NEIL2: variants seen among roughly 807,000 people sequenced by gnomAD.
The protein encoded by NEIL2 is endonuclease 8-like 2.
A neutral mutation model predicts 22.2 loss-of-function variants in NEIL2; 23 were observed. The ratio of observed to expected loss-of-function variants is 1.04; its 90% CI spans 0.75 to 1.47. NEIL2 has a LOEUF of 1.47. Ranked by LOEUF, NEIL2 falls within the 40% of genes most tolerant of loss-of-function variation. NEIL2 has a pLI of 0.00. For synonymous variants in NEIL2, 229 were observed against 164.8 expected (o/e 1.39, Z -2.99); for missense variants, 583 against 404.7 (o/e 1.44, Z -3.78).
In NEIL2 at chr8:11,779,635, A is replaced by G. The variant is rs1804216523; in HGVS notation, c.176A>G (p.Asp59Gly). Reference sequence around the variant, plus strand: ...AAATTATTCCTTAGATTTGATCTAGATGAAGAAATGGGGCCCCCTGGCAGC... The same window carrying G: ...AAATTATTCCTTAGATTTGATCTAGGTGAAGAAATGGGGCCCCCTGGCAGC... ...GKKLFLRFDLDEEMGPPGSSP... is the reference protein window; with the variant it reads ...GKKLFLRFDLGEEMGPPGSSP... Residue 59 changes from aspartate to glycine, a missense_variant, in exon 3 of 5, where the codon GAT becomes GGT. By Grantham distance (94) the Asp-to-Gly change is moderately conservative. Coordinates refer to ENST00000284503, the MANE Select transcript of NEIL2 (RefSeq NM_145043.4). 2 of 1,613,540 alleles carry G rather than the reference A, an allele frequency of 1.2e-6. No homozygotes were observed. Among genetic ancestry groups the G allele is most frequent in the East Asian group, 2.2e-5 (1 of 44,874 alleles).
rs995772381 is a variant in NEIL2 at position 11,787,258 on chromosome 8, A to C, written c.*985A>C. The C allele has an allele frequency of 1.6e-4, 24 of 152,700 alleles. No homozygotes were observed. The highest frequency in any genetic ancestry group is 5.8e-4 in the African/African-American group (24 of 41,460). The allele number at this position is 152,700 out of a possible 1,614,324, so 9.5% of individuals were successfully genotyped here. On this transcript the variant is annotated 3_prime_UTR_variant, in exon 5 of 5. Coordinates refer to ENST00000284503, the MANE Select transcript of NEIL2 (RefSeq NM_145043.4). The stretch of plus-strand genomic sequence containing the variant: ...GATTTGTTGAACAATTCAGGAATCA[A>C]GGGCTGTGGAGAAACTCCCTCATGT...
intron 1 of NEIL2, 129 bp downstream of exon 1, chr8:11,770,464 G>A (rs1337142870): frequency 6.6e-6 from 1 of 152,180 alleles, no homozygotes; most frequent in Non-Finnish European, 1.5e-5. Context: ...TGTAAGATGC[G>A]CGTTATTGAA....
chr8:11,773,208 G>C (rs535789166), intron 2 of NEIL2, among the ~76,000 whole-genome samples: 1 of 152,202 alleles, frequency 6.6e-6, no homozygotes, highest in African/African-American at 2.4e-5. Flanking sequence ...CACAGAGCTG[G>C]CTGTAAGAGA....
intron 3 of NEIL2, among the ~76,000 whole-genome samples, chr8:11,780,172 A>G (rs1453270035): frequency 6.6e-6 from 1 of 151,888 alleles, no homozygotes; most frequent in African/African-American, 2.4e-5. Context: ...TGGCTGGGAG[A>G]AGGGGAGAAT....
chr8:11,781,084 A>C (rs1178317860), intron 3 of NEIL2, among the ~76,000 whole-genome samples: 1 of 152,170 alleles, frequency 6.6e-6, no homozygotes, highest in Non-Finnish European at 1.5e-5. Flanking sequence ...TGCTAAAAAA[A>C]GGCCCCTTCT....
intron 2 of NEIL2, among the ~76,000 whole-genome samples, chr8:11,772,699 C>A (rs551762272): frequency 1.3e-5 from 2 of 152,282 alleles, no homozygotes; most frequent in African/African-American, 2.4e-5. Flanking sequence ...AGTGCCGGCA[C>A]GTAGGAAGCA....
intron 2 of NEIL2, 149 bp from the exon 3 acceptor site, chr8:11,779,449 A>T: frequency 1.4e-6 from 1 of 727,814 alleles, no homozygotes; most frequent in Non-Finnish European, 2.4e-6. Context: ...ACTGGAGCAA[A>T]AGAGCAAAAG....
chr8:11,779,914 C>T lies in NEIL2; in HGVS notation c.455C>T (p.Ala152Val), dbSNP rs529862780. The change falls in exon 3 of 5, where the codon GCC becomes GTC. Residue 152 changes from alanine to valine, a missense_variant. By Grantham distance (64) the Ala-to-Val change is moderately conservative. Coordinates refer to ENST00000284503, the MANE Select transcript of NEIL2 (RefSeq NM_145043.4). ...AACGATTTCTCCAGAGCCAAGAAAG[C>T]CAACAAGAGGGGGGACTGGAGGGAC... ...WVNDFSRAKK[A>V]NKRGDWRDPS... 10 of 1,614,082 alleles carry T rather than the reference C, an allele frequency of 6.2e-6. No homozygotes were observed. In the East Asian group the frequency reaches 2.2e-4, roughly 36 times the overall value.
chr8:11,779,926 G>A lies in NEIL2; in HGVS notation c.467G>A (p.Gly156Glu). The A allele has an allele frequency of 6.2e-7, 1 of 1,614,064 alleles. No individual in the cohort carries two copies. The highest frequency in any genetic ancestry group is 8.5e-7 in the Non-Finnish European group (1 of 1,179,942). Residue 156 changes from glycine to glutamate, a missense_variant, in exon 3 of 5, where the codon GGG (glycine) becomes GAG (glutamate). Transcript: ENST00000284503. ...FSRAKKANKR[G>E]DWRDPSPRLV... ...AGAGCCAAGAAAGCCAACAAGAGGGGGGACTGGAGGGACCCTTCCCCGAGG... is the reference window on the plus strand; with the variant it reads ...AGAGCCAAGAAAGCCAACAAGAGGGAGGACTGGAGGGACCCTTCCCCGAGG...
At chr8:11,771,620 C>G (rs804268) in intron 2 of NEIL2, 35 bp downstream of exon 2, 652,674 of 1,594,552 alleles carry the variant, frequency 0.41, 138,388 homozygotes, top group East Asian at 0.52. Flanking sequence ...TTGGCTCTGT[C>G]GCCCATCCTG....
Position 11,771,309 on chromosome 8 carries a change from C to T in NEIL2, c.-2-137C>T. On this transcript the variant is annotated intron_variant, in intron 1 of 4. Transcript: ENST00000284503. Reference sequence around the variant, plus strand: ...ATGATCTGACCGCCTCCCAGCCACACTCCCTTTTTGGCCATGCTTGCTCTT... The same window carrying T: ...ATGATCTGACCGCCTCCCAGCCACATTCCCTTTTTGGCCATGCTTGCTCTT... The T allele has an allele frequency of 3.8e-6, 4 of 1,050,730 alleles. No homozygotes were observed. In the South Asian group the frequency reaches 4.0e-5, roughly 10 times the overall value. 65.1% of individuals were successfully genotyped at this position (1,050,730 alleles called of 1,614,324 possible).
At chr8:11,785,861 C>T (rs758408818) in intron 4 of NEIL2, 102 bp from the exon 5 acceptor site, 143 of 1,084,190 alleles carry the variant, frequency 1.3e-4, no homozygotes, top group Admixed American at 6.1e-4. Flanking sequence ...TAGGGTCCCC[C>T]AGGACATGGA....
chr8:11,783,391 C>T lies in NEIL2; in HGVS notation c.680C>T (p.Ser227Leu). The T allele has an allele frequency of 1.2e-6, 2 of 1,613,970 alleles. No homozygotes were observed. Among genetic ancestry groups the T allele is most frequent in the Non-Finnish European group, 1.7e-6 (2 of 1,179,856 alleles). Residue 227 changes from serine (S) to leucine (L), a missense_variant, in exon 4 of 5, where the codon TCA (serine) becomes TTA (leucine). Physicochemically the swap from Ser to Leu is moderately radical, Grantham distance 145. Coordinates refer to ENST00000284503, the MANE Select transcript of NEIL2 (RefSeq NM_145043.4). ...ACACTGCTGGACCAGAGATACTTCT[C>T]AGGGCTAGGTATGACTCATGGGAAA... ...CYTLLDQRYF[S>L]GLGNIIKNEA... is the part of the protein sequence containing the mutation.
Position 11,783,195 on chromosome 8 carries a change from CT to C in NEIL2, c.492-6del. Reference sequence around the variant, plus strand: ...GATGTGTACATATGACCTGTTCTTTCTTCCCAGGTTGGTCCTGCACTTTGGT... The same window carrying C: ...GATGTGTACATATGACCTGTTCTTTCTCCCAGGTTGGTCCTGCACTTTGGT... On this transcript the variant is annotated splice_region_variant and splice_polypyrimidine_tract_variant and intron_variant, in intron 3 of 4. Coordinates refer to ENST00000284503, the MANE Select transcript of NEIL2 (RefSeq NM_145043.4). 1 of 1,613,564 alleles carries C rather than the reference CT, an allele frequency of 6.2e-7. No homozygotes were observed. The highest frequency in any genetic ancestry group is 1.1e-5 in the South Asian group (1 of 91,074).
intron 4 of NEIL2, 30 bp downstream of exon 4, chr8:11,783,429 C>T (rs1227847405): frequency 1.3e-6 from 2 of 1,594,990 alleles, no homozygotes; most frequent in Non-Finnish European, 1.7e-6. Context: ...GGTGAGTCCA[C>T]AGAGTTGCTT....
intron 2 of NEIL2, among the ~76,000 whole-genome samples, chr8:11,772,861 G>A (rs1279757156): frequency 6.6e-6 from 1 of 152,080 alleles, no homozygotes; most frequent in Non-Finnish European, 1.5e-5. Context: ...TTTATGCCTG[G>A]CACATAACGG....
intron 2 of NEIL2, among the ~76,000 whole-genome samples, chr8:11,774,298 C>A (rs1025564439): frequency 6.6e-6 from 1 of 151,558 alleles, no homozygotes; most frequent in Non-Finnish European, 1.5e-5. Context: ...TTGCTTGAAC[C>A]CAGGAGACAG....
At position 11,787,155 on chromosome 8, in the gene NEIL2, G is replaced by C. The variant is rs991810300; in HGVS notation, c.*882G>C. 6.5e-6 allele frequency: 1 copy of C among 152,858 alleles called. No individual in the cohort carries two copies. The highest frequency in any genetic ancestry group is 6.5e-5 in the Admixed American group (1 of 15,276). 9.5% of individuals were successfully genotyped at this position (152,858 alleles called of 1,614,324 possible). On this transcript the variant is annotated 3_prime_UTR_variant, in exon 5 of 5. Transcript: ENST00000284503. ...AGAGGCGGTCGTGGAGCAGGGAGCT[G>C]CGCCTTCCTGGGGTGCCCGGTGGTG...
At chr8:11,780,325 T>C (rs1804297932) in intron 3 of NEIL2, among the ~76,000 whole-genome samples, 1 of 152,238 alleles carries the variant, frequency 6.6e-6, no homozygotes, top group Non-Finnish European at 1.5e-5. Context: ...TTATTTTTTA[T>C]TGAGATATAA....
Sources: gnomAD v4.1 joint callset for allele counts (sites outside exome capture counted in the v4.1 genomes callset) on GRCh38, gnomAD v4.1.1 for gene constraint, MANE v1.5 for transcripts, NCBI Gene and HGNC (gene_info 2026-07-23, HGNC 2026-07-21) for gene names.